PRKD1: variants seen among roughly 807,000 people sequenced by gnomAD.
PRKD1 encodes serine/threonine-protein kinase D1.
Under a neutral mutation model 95.9 loss-of-function variants are expected in PRKD1, and 63 were observed. The observed-to-expected ratio is 0.66, with a 90% CI of 0.54 to 0.81. PRKD1 has a LOEUF of 0.81. Ranked by LOEUF, PRKD1 falls within the 30% of genes least tolerant of loss-of-function variation. The pLI, the probability that PRKD1 is intolerant of heterozygous loss-of-function variation, is 0.00. For synonymous variants in PRKD1, 425 were observed against 423.1 expected (o/e 1.00, Z -0.05); for missense variants, 1,048 against 1,165.3 (o/e 0.90, Z 1.47).
intron 1 of PRKD1, among the ~76,000 whole-genome samples, chr14:29,748,764 A>G (rs1354165615): frequency 6.6e-6 from 1 of 152,214 alleles, no homozygotes; most frequent in Non-Finnish European, 1.5e-5. Flanking sequence ...ATAGAAAATT[A>G]AAGAAATAAA....
At chr14:29,725,044 C>T (rs1057054634) in intron 2 of PRKD1, among the ~76,000 whole-genome samples, 3 of 152,190 alleles carry the variant, frequency 2.0e-5, no homozygotes, top group African/African-American at 7.2e-5. Context: ...ATGGCATGAC[C>T]TGACCTTCTC....
intron 2 of PRKD1, among the ~76,000 whole-genome samples, chr14:29,712,258 AT>A (rs1187675431): frequency 2.6e-5 from 4 of 151,930 alleles, no homozygotes; most frequent in African/African-American, 7.3e-5. Context: ...TCTCTTCATC[AT>A]TTTTTCCCCT....
At chr14:29,614,277 C>G (rs1162762526) in intron 13 of PRKD1, among the ~76,000 whole-genome samples, 1 of 152,138 alleles carries the variant, frequency 6.6e-6, no homozygotes, top group Non-Finnish European at 1.5e-5. Context: ...AACTTACTTT[C>G]TAATTCGTGC....
rs1482502920 is a variant in PRKD1, at chr14:29,670,804, T to C, written c.404-4596A>G. Reference sequence around the variant, plus strand: ...AGTTTTAGATCAGATTCTCCCTTCATGCAACCGTTGTTCAAGTTAATCTCA... The same window carrying C: ...AGTTTTAGATCAGATTCTCCCTTCACGCAACCGTTGTTCAAGTTAATCTCA... On this transcript the variant is annotated intron_variant, in intron 2 of 17. Transcript: ENST00000331968. 2.6e-5 allele frequency among the ~76,000 whole-genome samples: 4 copies of C among 152,314 alleles called. No homozygotes were observed. The East Asian group carries it at 7.7e-4, about 29-fold the overall frequency.
chr14:29,731,085 C>T (rs1472370060), intron 1 of PRKD1, among the ~76,000 whole-genome samples: 1 of 152,114 alleles, frequency 6.6e-6, no homozygotes, highest in Non-Finnish European at 1.5e-5. Context: ...ACAATGTATA[C>T]ATAGTTCAAA....
At chr14:29,653,757 G>A (rs1381350480) in intron 4 of PRKD1, among the ~76,000 whole-genome samples, 1 of 152,048 alleles carries the variant, frequency 6.6e-6, no homozygotes, top group African/African-American at 2.4e-5. Flanking sequence ...AAAACATACA[G>A]ATCACAGATT....
intron 2 of PRKD1, among the ~76,000 whole-genome samples, chr14:29,676,058 A>G (rs151313431): frequency 0.023 from 3,472 of 151,894 alleles, 54 homozygotes; most frequent in South Asian, 0.067. Context: ...CAGCACACCA[A>G]CATGGCATAT....
chr14:29,927,697 T>A lies in PRKD1; in HGVS notation c.-185A>T. The A allele has an allele frequency of 4.8e-6, 1 of 208,568 alleles. No homozygotes were observed. The highest frequency in any genetic ancestry group is 8.6e-6 in the Non-Finnish European group (1 of 116,010). 12.9% of individuals were successfully genotyped at this position (208,568 alleles called of 1,614,324 possible). A position where few individuals can be genotyped will look rare whatever the true frequency, so the allele number is the denominator to read the frequency against. On this transcript the variant is annotated 5_prime_UTR_variant, in exon 1 of 18. Transcript: ENST00000331968. Reference sequence around the variant, plus strand: ...GATGAGGATCGGGAGGGGAGGGGACTAAGGGGAGGAGATGGGGAGGAGGGA... The same window carrying A: ...GATGAGGATCGGGAGGGGAGGGGACAAAGGGGAGGAGATGGGGAGGAGGGA...
chr14:29,634,412 T>A lies in PRKD1; in HGVS notation c.1314+6A>T. ...GCAAGAGAACATTGTTCCCTGTGGA[T>A]CTTACCAGCGTGTCCTTGCTGGTGT... On this transcript the variant is annotated splice_donor_region_variant and intron_variant, in intron 8 of 17. Transcript: ENST00000331968. 6.2e-7 allele frequency: 1 copy of A among 1,613,988 alleles called. No individual in the cohort carries two copies. Among genetic ancestry groups the A allele is most frequent in the South Asian group, 1.1e-5 (1 of 91,086 alleles).
chr14:29,602,351 A>T (rs1471641893), intron 13 of PRKD1, among the ~76,000 whole-genome samples: 11 of 151,740 alleles, frequency 7.2e-5, no homozygotes, highest in Non-Finnish European at 1.6e-4. Flanking sequence ...GAGGGGAGAG[A>T]CGCAATGACT....
At chr14:29,837,223 A>G (rs1481608863) in intron 1 of PRKD1, among the ~76,000 whole-genome samples, 6 of 152,186 alleles carry the variant, frequency 3.9e-5, no homozygotes, top group Non-Finnish European at 8.8e-5. Context: ...AGAATTCAAA[A>G]TGAAACTATT....
intron 1 of PRKD1, among the ~76,000 whole-genome samples, chr14:29,768,497 T>G (rs1888360871): frequency 6.6e-6 from 1 of 152,168 alleles, no homozygotes; most frequent in Admixed American, 6.5e-5. Flanking sequence ...CTACTATCCC[T>G]TTTGGAAAAT....
chr14:29,662,347 T>C (rs1406212048), intron 4 of PRKD1, among the ~76,000 whole-genome samples: 1 of 152,124 alleles, frequency 6.6e-6, no homozygotes, highest in Non-Finnish European at 1.5e-5. Context: ...GAAGATGACA[T>C]AGGATTATTT....
intron 1 of PRKD1, among the ~76,000 whole-genome samples, chr14:29,892,726 A>C (rs1234868835): frequency 6.6e-6 from 1 of 152,184 alleles, no homozygotes; most frequent in African/African-American, 2.4e-5. Context: ...CTGAGATGTT[A>C]TACACTGTCC....
intron 17 of PRKD1, 24 bp downstream of exon 17, chr14:29,578,251 G>T: frequency 6.6e-7 from 1 of 1,524,198 alleles, no homozygotes; most frequent in Non-Finnish European, 9.0e-7. Flanking sequence ...ATTCAACTAA[G>T]AAAACTCAGT....
At chr14:29,923,156 G>A (rs1381745271) in intron 1 of PRKD1, among the ~76,000 whole-genome samples, 1 of 151,224 alleles carries the variant, frequency 6.6e-6, no homozygotes, top group East Asian at 1.9e-4. Context: ...ACTTAAGCCT[G>A]GAGGCCAAGA....
At chr14:29,611,898 T>A (rs1490320900) in intron 13 of PRKD1, among the ~76,000 whole-genome samples, 1 of 152,186 alleles carries the variant, frequency 6.6e-6, no homozygotes. Context: ...TTCCTGTTAA[T>A]CTACCTGGCT....
At chr14:29,735,592 T>C (rs1353564282) in intron 1 of PRKD1, among the ~76,000 whole-genome samples, 1 of 152,208 alleles carries the variant, frequency 6.6e-6, no homozygotes, top group African/African-American at 2.4e-5. Context: ...TTCTAACTCA[T>C]GTGTTGTCAA....
chr14:29,661,436 T>C (rs1382420741), intron 4 of PRKD1, among the ~76,000 whole-genome samples: 2 of 152,194 alleles, frequency 1.3e-5, no homozygotes, highest in Non-Finnish European at 2.9e-5. Context: ...ACTATAGTTA[T>C]TGGTGTTACT....
Sources: gnomAD v4.1 joint callset for allele counts (sites outside exome capture counted in the v4.1 genomes callset) on GRCh38, gnomAD v4.1.1 for gene constraint, MANE v1.5 for transcripts, NCBI Gene and HGNC (gene_info 2026-07-23, HGNC 2026-07-21) for gene names.